The following PLEKHO2 variants were observed in gnomAD, a reference collection of about 807,000 sequenced individuals.
PLEKHO2 encodes the protein pleckstrin homology domain-containing family O member 2.
PLEKHO2 carries 20 observed loss-of-function variants against 32.7 expected under a neutral mutation model. The ratio of observed to expected loss-of-function variants is 0.61; its 90% CI spans 0.43 to 0.89. The LOEUF (loss-of-function observed/expected upper bound fraction) is 0.89. PLEKHO2 is among the 40% of genes least tolerant of loss of function. The pLI, the probability that PLEKHO2 is intolerant of heterozygous loss-of-function variation, is 0.00. For synonymous variants in PLEKHO2, 247 were observed against 246.3 expected (o/e 1.00, Z -0.03); for missense variants, 568 against 621.2 (o/e 0.91, Z 0.91).
rs2084683560 is a variant in PLEKHO2 at position 64,865,983 on chromosome 15, A to ATGGCTGCAGGAGGGCCAT, written c.*99_*116dup. The stretch of plus-strand genomic sequence containing the variant: ...GAAATGTGCTTCTGCTTCTACAGCA[A>ATGGCTGCAGGAGGGCCAT]TGGCTGCAGGAGGGCCATTGGGCAT... On this transcript the variant is annotated 3_prime_UTR_variant, in exon 6 of 6. Transcript: ENST00000323544. The ATGGCTGCAGGAGGGCCAT allele has an allele frequency of 4.2e-6, 6 of 1,437,142 alleles. No individual in the cohort carries two copies. Among genetic ancestry groups the ATGGCTGCAGGAGGGCCAT allele is most frequent in the Non-Finnish European group, 5.6e-6 (6 of 1,079,792 alleles). 89.0% of individuals were successfully genotyped at this position (1,437,142 alleles called of 1,614,324 possible).
Position 64,861,598 on chromosome 15 carries a change from T to C in PLEKHO2, c.483+23T>C, listed in dbSNP as rs755833638. ...GAGGTAGGGCCTTACCCAGTGTGGA[T>C]GTTGGGGTTAGTTGAGCCTAGGACC... On this transcript the variant is annotated intron_variant, in intron 5 of 5. Coordinates refer to ENST00000323544, the MANE Select transcript of PLEKHO2 (RefSeq NM_025201.5). The C allele has an allele frequency of 4.5e-6, 7 of 1,553,354 alleles. No homozygotes were observed. In the East Asian group the frequency reaches 1.4e-4, roughly 32 times the overall value.
In PLEKHO2 at chr15:64,865,242, A is replaced by T. The variant is rs374330444; in HGVS notation, c.827A>T (p.Asn276Ile). The part of the protein sequence containing the change: ...LPDKLKVSWE[N>I]PSPQEAPAAE... Reference sequence around the variant, plus strand: ...GACAAACTGAAGGTGAGCTGGGAGAACCCCAGCCCCCAGGAGGCCCCTGCT... The same window carrying T: ...GACAAACTGAAGGTGAGCTGGGAGATCCCCAGCCCCCAGGAGGCCCCTGCT... Residue 276 changes from asparagine to isoleucine, a missense_variant, in exon 6 of 6, where the codon AAC becomes ATC. Transcript: ENST00000323544. 3 of 1,613,978 alleles carry T rather than the reference A, an allele frequency of 1.9e-6. No individual in the cohort carries two copies. The highest frequency in any genetic ancestry group is 2.5e-6 in the Non-Finnish European group (3 of 1,179,998).
At chr15:64,858,098 T>G (rs1225721158) in intron 3 of PLEKHO2, among the ~76,000 whole-genome samples, 11 of 152,218 alleles carry the variant, frequency 7.2e-5, no homozygotes. Flanking sequence ...CGACCCCAGA[T>G]GCAGTGTGGT....
chr15:64,848,759 C>T lies in PLEKHO2; in HGVS notation c.162+17C>T. The T allele has an allele frequency of 1.2e-6, 2 of 1,613,388 alleles. No individual in the cohort carries two copies. The highest frequency in any genetic ancestry group is 3.3e-5 in the Admixed American group (2 of 59,992). ...GAGAATGAGGTGAGGACCTGCTTGG[C>T]CCTGAGATTGGGGGTTCTGGGACAG... On this transcript the variant is annotated intron_variant, in intron 2 of 5. Coordinates refer to ENST00000323544, the MANE Select transcript of PLEKHO2 (RefSeq NM_025201.5).
Position 64,866,631 on chromosome 15 carries a change from T to A in PLEKHO2, c.*743T>A. On this transcript the variant is annotated 3_prime_UTR_variant, in exon 6 of 6. Transcript: ENST00000323544. ...GGAGGATTCAAGAGTGGAAGAGGAA[T>A]TTAAGGGGTCCCCTAGTCTAGTCTC... The A allele has an allele frequency of 3.1e-6, 1 of 322,308 alleles. No homozygotes were observed. The highest frequency in any genetic ancestry group is 4.0e-5 in the Admixed American group (1 of 25,064). The allele number at this position is 322,308 out of a possible 1,614,324, so 20.0% of individuals were successfully genotyped here.
chr15:64,859,004 A>G (rs1447046272), intron 3 of PLEKHO2, among the ~76,000 whole-genome samples: 2 of 152,140 alleles, frequency 1.3e-5, no homozygotes, highest in Admixed American at 6.5e-5. Context: ...GGTACCTCAT[A>G]TAGGTGGAAT....
At chr15:64,845,173 A>G (rs552903390) in intron 1 of PLEKHO2, among the ~76,000 whole-genome samples, 2 of 149,012 alleles carry the variant, frequency 1.3e-5, no homozygotes, top group South Asian at 4.3e-4. Flanking sequence ...TTGTGGTTCC[A>G]TCTGTCCCCT....
intron 2 of PLEKHO2, among the ~76,000 whole-genome samples, chr15:64,849,870 A>C (rs2084553717): frequency 6.6e-6 from 1 of 151,036 alleles, no homozygotes. Flanking sequence ...TAGAAATAAT[A>C]ATTAGCAGGC....
chr15:64,842,245 T>C (rs138260556), intron 1 of PLEKHO2, among the ~76,000 whole-genome samples: 3 of 152,234 alleles, frequency 2.0e-5, no homozygotes, highest in Non-Finnish European at 2.9e-5. Context: ...TCTCACCAGT[T>C]GTGGGGCGTC....
At chr15:64,851,694 C>T (rs1052576939) in intron 2 of PLEKHO2, among the ~76,000 whole-genome samples, 6 of 152,124 alleles carry the variant, frequency 3.9e-5, no homozygotes, top group Non-Finnish European at 8.8e-5. Flanking sequence ...TTTTTCTGAG[C>T]TGCAGAAGAG....
At chr15:64,857,753 C>T (rs1259555373) in intron 3 of PLEKHO2, among the ~76,000 whole-genome samples, 4 of 152,100 alleles carry the variant, frequency 2.6e-5, no homozygotes, top group East Asian at 1.9e-4. Context: ...AGAAGAGAGC[C>T]GAGGCAGCCT....
At position 64,866,180 on chromosome 15, in the gene PLEKHO2, CAAACT is replaced by C; in HGVS notation, c.*293_*297del. On this transcript the variant is annotated 3_prime_UTR_variant, in exon 6 of 6. Transcript: ENST00000323544. ...GACCTATGTGTTTGTGTGGTCGTTC[CAAACT>C]GCCCCAGGGCTTTGGGGGCGGCACT... 1 of 516,464 alleles carries C rather than the reference CAAACT, an allele frequency of 1.9e-6. No individual in the cohort carries two copies. Among genetic ancestry groups the C allele is most frequent in the Non-Finnish European group, 3.6e-6 (1 of 279,754 alleles). The allele number at this position is 516,464 out of a possible 1,614,324, so 32.0% of individuals were successfully genotyped here.
intron 2 of PLEKHO2, among the ~76,000 whole-genome samples, chr15:64,850,067 GGA>G (rs2084555669): frequency 6.6e-6 from 1 of 151,860 alleles, no homozygotes; most frequent in Non-Finnish European, 1.5e-5. Flanking sequence ...GGCTGAGGCA[GGA>G]GAATCACTTG....
In PLEKHO2 at chr15:64,846,184, G is replaced by A. The variant is rs550413837; in HGVS notation, c.13-2409G>A. 3.3e-5 allele frequency among the ~76,000 whole-genome samples: 5 copies of A among 152,294 alleles called. No homozygotes were observed. The East Asian group carries it at 7.7e-4, about 24-fold the overall frequency. On this transcript the variant is annotated intron_variant, in intron 1 of 5. Transcript: ENST00000323544. The stretch of plus-strand genomic sequence containing the variant: ...GGTGTCAGTGGTGATGTGGGGAATG[G>A]GAGTTGAGTGCATGATGGAATGGGA...
At chr15:64,856,604 C>G (rs2084607689) in intron 3 of PLEKHO2, among the ~76,000 whole-genome samples, 1 of 152,180 alleles carries the variant, frequency 6.6e-6, no homozygotes, top group Admixed American at 6.5e-5. Flanking sequence ...CCCTCCCTAC[C>G]AGCCCCCAAC....
At chr15:64,859,273 G>T (rs756709685) in intron 3 of PLEKHO2, among the ~76,000 whole-genome samples, 1 of 152,194 alleles carries the variant, frequency 6.6e-6, no homozygotes, top group Non-Finnish European at 1.5e-5. Context: ...TGATCTTCAT[G>T]GCTCCATGAG....
chr15:64,866,188 C>G lies in PLEKHO2; in HGVS notation c.*300C>G. 1 of 510,890 alleles carries G rather than the reference C, an allele frequency of 2.0e-6. No individual in the cohort carries two copies. The highest frequency in any genetic ancestry group is 3.6e-6 in the Non-Finnish European group (1 of 274,298). The allele number at this position is 510,890 out of a possible 1,614,324, so 31.6% of individuals were successfully genotyped here. A position where few individuals can be genotyped will look rare whatever the true frequency, so the allele number is the denominator to read the frequency against. ...TGTTTGTGTGGTCGTTCCAAACTGC[C>G]CCAGGGCTTTGGGGGCGGCACTTGG... On this transcript the variant is annotated 3_prime_UTR_variant, in exon 6 of 6. Transcript: ENST00000323544.
rs769131535 is a variant in PLEKHO2, at chr15:64,865,017, GGCCCCTCAT to G, written c.606_614del (p.Leu203_Pro205del). 6.2e-7 allele frequency: 1 copy of G among 1,614,048 alleles called. No homozygotes were observed. The highest frequency in any genetic ancestry group is 2.2e-5 in the East Asian group (1 of 44,870). ...GAAGCCCAACCTCGGGAGACACCCC[GGCCCCTCAT>G]GCCTCCTACCAAGCCTTTCCTAGCA... On this transcript the variant is annotated inframe_deletion, in exon 6 of 6. Transcript: ENST00000323544.
chr15:64,852,850 T>A (rs1450089021), intron 2 of PLEKHO2, among the ~76,000 whole-genome samples: 1 of 151,984 alleles, frequency 6.6e-6, no homozygotes, highest in Admixed American at 6.6e-5. Flanking sequence ...CAGTGGTTCT[T>A]AACTGTTCGC....
Sources: allele counts gnomAD v4.1 joint callset (sites outside exome capture counted in the v4.1 genomes callset), GRCh38; gene constraint gnomAD v4.1.1; transcripts MANE v1.5; gene names NCBI Gene and HGNC (gene_info 2026-07-23, HGNC 2026-07-21).